TRPC7: variants seen among roughly 807,000 people sequenced by gnomAD.
TRPC7 encodes short transient receptor potential channel 7.
Under a neutral mutation model 90.1 loss-of-function variants are expected in TRPC7, and 42 were observed. That is an observed-to-expected ratio of 0.47 (90% confidence interval 0.36 to 0.60). TRPC7 has a LOEUF of 0.60. Among genes scored for constraint, TRPC7 ranks in the 20% least tolerant of loss-of-function variants. The probability of loss-of-function intolerance (pLI) is 0.00; values close to 1 mark genes in which losing one functional copy is unlikely to be tolerated. For missense variants in TRPC7, 955 were observed against 1,112.3 expected (o/e 0.86, Z 2.01); for synonymous variants, 451 against 436.3 (o/e 1.03, Z -0.42).
chr5:136,303,809 C>A (rs1345114344), intron 3 of TRPC7: 1 of 151,846 alleles, frequency 6.6e-6, no homozygotes, highest in African/African-American at 2.4e-5. Flanking sequence ...CCTCGGAAGC[C>A]CCCTAGACCA....
Position 136,233,672 on chromosome 5 carries a change from G to C in TRPC7, c.1845-2123C>G, listed in dbSNP as rs74502876. 2.0e-3 allele frequency among the ~76,000 whole-genome samples: 297 copies of C among 152,274 alleles called. 2 individuals are homozygous for C. Among genetic ancestry groups the C allele is most frequent in the East Asian group, 0.012 (60 of 5,186 alleles). On this transcript the variant is annotated intron_variant, in intron 7 of 11. Coordinates refer to ENST00000513104, the MANE Select transcript of TRPC7 (RefSeq NM_020389.3). ...TATACACTTGTCATGGACCAACAAA[G>C]GAATGGATCATACTTGCCATAGAGA...
At chr5:136,218,508 G>A (rs78277710) in intron 10 of TRPC7, among the ~76,000 whole-genome samples, 179 of 152,280 alleles carry the variant, frequency 1.2e-3, no homozygotes, top group African/African-American at 4.2e-3. Context: ...CAATTAAAGA[G>A]CTTTACTGTT....
In TRPC7 at chr5:136,247,542, C is replaced by T. The variant is rs1172286295; in HGVS notation, c.1773G>A (p.Val591=). The T allele has an allele frequency of 1.2e-6, 2 of 1,613,898 alleles. No homozygotes were observed. Among genetic ancestry groups the T allele is most frequent in the East Asian group, 2.2e-5 (1 of 44,878 alleles). Residue 591 remains valine, a synonymous_variant, in exon 7 of 12, where the codon GTG becomes GTA. Coordinates refer to ENST00000513104, the MANE Select transcript of TRPC7 (RefSeq NM_020389.3). The surrounding 1 kb of genome is among the most constrained non-coding windows in gnomAD (Gnocchi z 4.2). The part of the protein sequence containing the change: ...KFMVIFIMVF[V]AFMIGMFNLY... ...GGTTGAACATCCCAATCATGAAGGCCACAAATACCATGATGAAAATGACCA... is the reference window on the plus strand; with the variant it reads ...GGTTGAACATCCCAATCATGAAGGCTACAAATACCATGATGAAAATGACCA...
intron 5 of TRPC7, among the ~76,000 whole-genome samples, chr5:136,265,974 A>G (rs1049426659): frequency 6.6e-6 from 1 of 152,152 alleles, no homozygotes; most frequent in Non-Finnish European, 1.5e-5. Context: ...TGAATGTTCA[A>G]TATATGTACT....
intron 6 of TRPC7, among the ~76,000 whole-genome samples, chr5:136,250,643 A>G (rs573802733): frequency 6.6e-6 from 1 of 152,348 alleles, no homozygotes; most frequent in South Asian, 2.1e-4. Context: ...CCATTAAGTG[A>G]GCATTTACTA....
intron 2 of TRPC7, among the ~76,000 whole-genome samples, chr5:136,317,575 A>G (rs1376804888): frequency 6.6e-6 from 1 of 152,122 alleles, no homozygotes; most frequent in Non-Finnish European, 1.5e-5. Context: ...CACCACATGG[A>G]CCCATTCAAC....
In TRPC7 at chr5:136,212,959, TAAGAA is replaced by T. The variant is rs1397072442; in HGVS notation, c.*471_*475del. On this transcript the variant is annotated 3_prime_UTR_variant, in exon 12 of 12. Coordinates refer to ENST00000513104, the MANE Select transcript of TRPC7 (RefSeq NM_020389.3). ...TTAGGCTGTGTTCTCATCTGGCACT[TAAGAA>T]TAGATCACAGGTCACCTCCTGGTTC... Among the ~76,000 whole-genome samples the T allele has an allele frequency of 6.6e-6, 1 of 152,190 alleles. No homozygotes were observed. Among genetic ancestry groups the T allele is most frequent in the African/African-American group, 2.4e-5 (1 of 41,460 alleles).
intron 3 of TRPC7, among the ~76,000 whole-genome samples, chr5:136,302,786 G>T (rs1199505948): frequency 6.6e-6 from 1 of 152,060 alleles, no homozygotes; most frequent in Non-Finnish European, 1.5e-5. Flanking sequence ...ATGGGCAAAT[G>T]GTCTGAGGTG....
chr5:136,352,728 G>A (rs530572945), intron 2 of TRPC7, among the ~76,000 whole-genome samples: 1 of 152,252 alleles, frequency 6.6e-6, no homozygotes, highest in African/African-American at 2.4e-5. Context: ...TGTTGGCAGT[G>A]CTCCCAAAAC....
At chr5:136,268,349 A>G (rs1284365748) in intron 4 of TRPC7, among the ~76,000 whole-genome samples, 2 of 152,158 alleles carry the variant, frequency 1.3e-5, no homozygotes, top group Non-Finnish European at 2.9e-5. Context: ...GACTGAAGAG[A>G]GGGCAAGGGA....
chr5:136,350,212 T>C (rs1760145796), intron 2 of TRPC7, among the ~76,000 whole-genome samples: 1 of 152,172 alleles, frequency 6.6e-6, no homozygotes, highest in Non-Finnish European at 1.5e-5. Flanking sequence ...ATGAGGAAAC[T>C]ACCTTCCAAT....
intron 2 of TRPC7, among the ~76,000 whole-genome samples, chr5:136,338,188 G>A (rs1410248218): frequency 1.3e-5 from 2 of 152,142 alleles, no homozygotes; most frequent in African/African-American, 4.8e-5. Flanking sequence ...TCACACTTTA[G>A]GTATGGGAGA....
intron 2 of TRPC7, among the ~76,000 whole-genome samples, chr5:136,320,129 G>C (rs551591005): frequency 1.3e-5 from 2 of 150,014 alleles, no homozygotes; most frequent in South Asian, 4.2e-4. Context: ...ACCTTATTTA[G>C]TATTCCCTAT....
chr5:136,227,606 T>C (rs911785401), intron 8 of TRPC7, among the ~76,000 whole-genome samples: 2 of 152,124 alleles, frequency 1.3e-5, no homozygotes, highest in African/African-American at 2.4e-5. Context: ...ATCTTTTAGG[T>C]TGGAAGCTTT....
In TRPC7 at chr5:136,325,234, A is replaced by G. The variant is rs947620057; in HGVS notation, c.781-9455T>C. Among the ~76,000 whole-genome samples the G allele has an allele frequency of 2.0e-5, 3 of 152,224 alleles. No homozygotes were observed. The East Asian group carries it at 5.8e-4, about 29-fold the overall frequency. Reference sequence around the variant, plus strand: ...TTGAGCAAATTGGAAGTCGTTGATCACCTTGACTGGAGCAGTTATGGAAGA... The same window carrying G: ...TTGAGCAAATTGGAAGTCGTTGATCGCCTTGACTGGAGCAGTTATGGAAGA... On this transcript the variant is annotated intron_variant, in intron 2 of 11. Transcript: ENST00000513104.
In TRPC7 at chr5:136,225,686, T is replaced by C. The variant is rs1047338394; in HGVS notation, c.2263-332A>G. On this transcript the variant is annotated intron_variant, in intron 9 of 11. Coordinates refer to ENST00000513104, the MANE Select transcript of TRPC7 (RefSeq NM_020389.3). ...AGCCAGACAGTGGGAAGGAAACCTTTTTCTCAGAGATCATTTTCCAGATAC... is the reference window on the plus strand; with the variant it reads ...AGCCAGACAGTGGGAAGGAAACCTTCTTCTCAGAGATCATTTTCCAGATAC... 4.6e-5 allele frequency among the ~76,000 whole-genome samples: 7 copies of C among 152,270 alleles called. No individual in the cohort carries two copies. The East Asian group carries it at 1.4e-3, about 29-fold the overall frequency.
chr5:136,251,680 C>T lies in TRPC7; in HGVS notation c.1548G>A (p.Ser516=), dbSNP rs748093002. ...HVQDDTLHNV[S]LPPEVAYFTY... is the part of the protein sequence containing the mutation. ...TGAAGTATGCCACTTCCGGCGGAAG[C>T]GAGACATTGTGCAGCGTGTCGTCCT... The change falls in exon 6 of 12, where the codon TCG becomes TCA. Residue 516 remains serine, a synonymous_variant. Transcript: ENST00000513104. The T allele has an allele frequency of 5.6e-6, 9 of 1,610,390 alleles. No homozygotes were observed. Among genetic ancestry groups the T allele is most frequent in the African/African-American group, 4.0e-5 (3 of 74,864 alleles).
Position 136,216,230 on chromosome 5 carries a change from C to T in TRPC7, c.2389G>A (p.Val797Met). Residue 797 changes from valine to methionine, a missense_variant, in exon 11 of 12, where the codon GTG becomes ATG. Transcript: ENST00000513104. ...LIKRYVLKAQVDRENDEVNEG... is the reference protein window; with the variant it reads ...LIKRYVLKAQMDRENDEVNEG... ...TTGACTTCGTCATTTTCTCTGTCCACCTGGGCTTTCAGGACGTATCTTTTT... is the reference window on the plus strand; with the variant it reads ...TTGACTTCGTCATTTTCTCTGTCCATCTGGGCTTTCAGGACGTATCTTTTT... 6.2e-7 allele frequency: 1 copy of T among 1,613,544 alleles called. No individual in the cohort carries two copies. The highest frequency in any genetic ancestry group is 8.5e-7 in the Non-Finnish European group (1 of 1,179,704).
chr5:136,344,735 T>C (rs1236214028), intron 2 of TRPC7, among the ~76,000 whole-genome samples: 1 of 152,126 alleles, frequency 6.6e-6, no homozygotes, highest in Non-Finnish European at 1.5e-5. Context: ...AATGCTTGAA[T>C]AGGATTGTAA....
Sources: allele counts gnomAD v4.1 joint callset (sites outside exome capture counted in the v4.1 genomes callset), GRCh38; gene constraint gnomAD v4.1.1; non-coding constraint Gnocchi (gnomAD v3.1); transcripts MANE v1.5; gene names NCBI Gene and HGNC (gene_info 2026-07-23, HGNC 2026-07-21).